Variants in MARCHF2 observed in about 807,000 individuals in gnomAD.
The protein encoded by MARCHF2 is membrane associated ring-CH-type finger 2, also known as E3 ubiquitin-protein ligase MARCHF2.
Under a neutral mutation model 24.0 loss-of-function variants are expected in MARCHF2, and 22 were observed. The observed-to-expected ratio is 0.92, with a 90% CI of 0.66 to 1.31. The LOEUF is 1.31. Ranked by LOEUF, MARCHF2 falls within the 50% of genes most tolerant of loss-of-function variation. The probability of loss-of-function intolerance (pLI) is 0.00; values close to 1 mark genes in which losing one functional copy is unlikely to be tolerated. For synonymous variants in MARCHF2, 154 were observed against 153.0 expected, an observed-to-expected ratio of 1.01 and a Z score of -0.05; for missense variants, 301 against 335.3, an observed-to-expected ratio of 0.90 and a Z score of 0.80.
intron 1 of MARCHF2, among the ~76,000 whole-genome samples, chr19:8,418,104 C>T (rs1967133011): frequency 6.6e-6 from 1 of 152,090 alleles, no homozygotes; most frequent in Admixed American, 6.6e-5. Flanking sequence ...AAGACCTAGC[C>T]TCAGAAGGGC....
chr19:8,425,759 G>C (rs1967381620), intron 2 of MARCHF2, among the ~76,000 whole-genome samples: 1 of 151,816 alleles, frequency 6.6e-6, no homozygotes, highest in Admixed American at 6.6e-5. Flanking sequence ...TGGGATTACA[G>C]GCACCTACCA....
rs930120879 is a variant in MARCHF2, at chr19:8,430,968, G to T, written c.582+101G>T. The T allele has an allele frequency of 1.3e-5, 16 of 1,233,930 alleles. No homozygotes were observed. The highest frequency in any genetic ancestry group is 1.8e-5 in the Non-Finnish European group (16 of 893,514). 76.4% of individuals were successfully genotyped at this position (1,233,930 alleles called of 1,614,324 possible). On this transcript the variant is annotated intron_variant, in intron 4 of 4. Coordinates refer to ENST00000215555, the MANE Select transcript of MARCHF2 (RefSeq NM_001005415.2). The surrounding 1 kb of genome is among the most constrained non-coding windows in gnomAD (Gnocchi z 4.4). ...GGCTTGTGGGGCACGGGGCTCCCTG[G>T]CTGCCTCTGTCTATGGCCGTGGGTG...
At chr19:8,424,796 G>A (rs376974771) in intron 2 of MARCHF2, among the ~76,000 whole-genome samples, 20 of 152,146 alleles carry the variant, frequency 1.3e-4, no homozygotes, top group Non-Finnish European at 2.6e-4. Flanking sequence ...CCTTGTGGCC[G>A]ACAGTTCTGG....
intron 4 of MARCHF2, among the ~76,000 whole-genome samples, chr19:8,436,515 T>C (rs1568242498): frequency 6.6e-6 from 1 of 151,940 alleles, no homozygotes; most frequent in East Asian, 1.9e-4. Flanking sequence ...CCACCCTCCT[T>C]TTCCCCAAGC....
Position 8,430,677 on chromosome 19 carries a change from C to T in MARCHF2, c.392C>T (p.Pro131Leu), listed in dbSNP as rs762354008. 45 of 1,608,952 alleles carry T rather than the reference C, an allele frequency of 2.8e-5. No individual in the cohort carries two copies. Among genetic ancestry groups the T allele is most frequent in the Admixed American group, 2.0e-4 (12 of 59,974 alleles). The change falls in exon 4 of 5, where the codon CCG (proline) becomes CTG (leucine). Residue 131 changes from proline (P) to leucine (L), a missense_variant. Transcript: ENST00000215555. This position sits in a 1 kb window ranked among gnomAD's most constrained non-coding sequence, Gnocchi z 4.4. ...PLTEWLKDPG[P>L]RTEKRTLCCD... ...CTGCAGTGGCTGAAGGACCCGGGGC[C>T]GCGGACGGAGAAGCGGACACTGTGC...
chr19:8,419,199 A>C (rs1035519187), intron 1 of MARCHF2, among the ~76,000 whole-genome samples: 3 of 151,954 alleles, frequency 2.0e-5, no homozygotes, highest in African/African-American at 7.2e-5. Flanking sequence ...CATCTCTACT[A>C]AAAATACAAA....
Position 8,421,805 on chromosome 19 carries a change from G to C in MARCHF2, c.-36G>C. 2 of 1,558,638 alleles carry C rather than the reference G, an allele frequency of 1.3e-6. No homozygotes were observed. The highest frequency in any genetic ancestry group is 1.7e-6 in the Non-Finnish European group (2 of 1,150,134). On this transcript the variant is annotated 5_prime_UTR_variant, in exon 2 of 5. Coordinates refer to ENST00000215555, the MANE Select transcript of MARCHF2 (RefSeq NM_001005415.2). ...TGTTCCCAGGCTCCTGGAACCATGG[G>C]CCTCAGGCCCTGAGGATACGGGGCT...
intron 1 of MARCHF2, among the ~76,000 whole-genome samples, chr19:8,419,822 A>AT (rs1555692651): frequency 0.02 from 2,729 of 139,022 alleles, 38 homozygotes; most frequent in South Asian, 0.043. Context: ...TCTCAAAAAA[A>AT]AAATAAATAA....
At chr19:8,428,769 G>A (rs976319544) in intron 3 of MARCHF2, among the ~76,000 whole-genome samples, 33 of 147,718 alleles carry the variant, frequency 2.2e-4, no homozygotes, top group African/African-American at 7.2e-4. Flanking sequence ...TTCGAGACCA[G>A]CCTGGCCAAT....
chr19:8,423,985 C>CAAAAA (rs142383974), intron 2 of MARCHF2, among the ~76,000 whole-genome samples: 4 of 104,902 alleles, frequency 3.8e-5, no homozygotes, highest in Non-Finnish European at 5.5e-5. Context: ...CTGGGTGACT[C>CAAAAA]AAAAAAAAAA....
chr19:8,419,708 C>G (rs1352265028), intron 1 of MARCHF2, among the ~76,000 whole-genome samples: 2 of 146,486 alleles, frequency 1.4e-5, no homozygotes, highest in African/African-American at 5.1e-5. Flanking sequence ...CCCAGCTACT[C>G]GGGAGGCTGA....
At position 8,430,612 on chromosome 19, in the gene MARCHF2, C is replaced by G; in HGVS notation, c.373-46C>G. On this transcript the variant is annotated intron_variant, in intron 3 of 4. Transcript: ENST00000215555. The surrounding 1 kb of genome is among the most constrained non-coding windows in gnomAD (Gnocchi z 4.4). ...GTCCTTACCCCTCCCCCTCAGTAGC[C>G]CCTTCTCTGCCCCCTCTCCTCTGCC... 1 of 1,520,966 alleles carries G rather than the reference C, an allele frequency of 6.6e-7. No individual in the cohort carries two copies. The highest frequency in any genetic ancestry group is 9.0e-7 in the Non-Finnish European group (1 of 1,108,258). 94.2% of individuals were successfully genotyped at this position (1,520,966 alleles called of 1,614,324 possible).
intron 4 of MARCHF2, among the ~76,000 whole-genome samples, chr19:8,434,525 G>T (rs1231885910): frequency 6.6e-6 from 1 of 150,694 alleles, no homozygotes; most frequent in Non-Finnish European, 1.5e-5. Context: ...GACATTCATT[G>T]TATGGGTGGA....
chr19:8,420,593 A>G (rs1967210669), intron 1 of MARCHF2, among the ~76,000 whole-genome samples: 1 of 150,824 alleles, frequency 6.6e-6, no homozygotes, highest in Admixed American at 6.6e-5. Context: ...AGGTGATATT[A>G]GTTGAAAGGT....
chr19:8,424,940 C>T (rs1474620635), intron 2 of MARCHF2, among the ~76,000 whole-genome samples: 1 of 152,100 alleles, frequency 6.6e-6, no homozygotes, highest in Non-Finnish European at 1.5e-5. Context: ...AATGGTCTCA[C>T]TCTGTTGTCC....
Position 8,438,714 on chromosome 19 carries a change from G to T in MARCHF2, c.*168G>T. ...CAGAGCCTAGTCTGTGATCCTGTGT[G>T]AAGATATTTTCAGGGTTTTTTTTTT... On this transcript the variant is annotated 3_prime_UTR_variant, in exon 5 of 5. Transcript: ENST00000215555. 1.5e-5 allele frequency: 9 copies of T among 582,204 alleles called. No homozygotes were observed. Among genetic ancestry groups the T allele is most frequent in the Admixed American group, 3.2e-5 (1 of 31,560 alleles). 36.1% of individuals were successfully genotyped at this position (582,204 alleles called of 1,614,324 possible).
chr19:8,416,437 A>C (rs1967090314), intron 1 of MARCHF2, among the ~76,000 whole-genome samples: 1 of 152,178 alleles, frequency 6.6e-6, no homozygotes, highest in Middle Eastern at 3.4e-3. Context: ...AGCGGGAGGC[A>C]ATCTGACAGG....
At chr19:8,420,842 C>G (rs1270400171) in intron 1 of MARCHF2, among the ~76,000 whole-genome samples, 1 of 151,828 alleles carries the variant, frequency 6.6e-6, no homozygotes, top group African/African-American at 2.4e-5. Flanking sequence ...TTTAGTAGAG[C>G]CAGGGTTTCA....
chr19:8,421,850 G>T lies in MARCHF2; in HGVS notation c.10G>T (p.Gly4Cys), dbSNP rs774754601. MTT[G>C]DCCHLPGSLC... The stretch of plus-strand genomic sequence containing the variant: ...GGGGCTCCCGGTGGCCATGACGACG[G>T]GTGACTGCTGCCACCTCCCCGGCTC... The change falls in exon 2 of 5, where the codon GGT becomes TGT. Residue 4 changes from glycine to cysteine, a missense_variant. Gly to Cys is a radical substitution (Grantham distance 159). Transcript: ENST00000215555. The T allele has an allele frequency of 1.2e-6, 2 of 1,609,170 alleles. No individual in the cohort carries two copies. The highest frequency in any genetic ancestry group is 2.2e-5 in the East Asian group (1 of 44,770).
Sources: allele counts gnomAD v4.1 joint callset (sites outside exome capture counted in the v4.1 genomes callset), GRCh38; gene constraint gnomAD v4.1.1; non-coding constraint Gnocchi (gnomAD v3.1); transcripts MANE v1.5; gene names NCBI Gene and HGNC (gene_info 2026-07-23, HGNC 2026-07-21).